The following TMEM131L variants were observed in gnomAD, a reference collection of about 807,000 sequenced individuals.
TMEM131L encodes the protein transmembrane protein 131-like.
In TMEM131L, 54 loss-of-function variants were observed where a neutral mutation model predicts 192.2. The ratio of observed to expected loss-of-function variants is 0.28; its 90% confidence interval spans 0.23 to 0.35. The LOEUF (loss-of-function observed/expected upper bound fraction) is 0.35, where lower values mean the gene tolerates loss of function less well. TMEM131L is among the 10% of genes least tolerant of loss of function. The pLI, the probability that TMEM131L is intolerant of heterozygous loss-of-function variation, is 1.00. For missense variants in TMEM131L, 1,888 were observed against 1,972.9 expected (o/e 0.96, Z 0.82); for synonymous variants, 701 against 704.9 (o/e 0.99, Z 0.09).
At chr4:153,524,343 G>A (rs919555591) in intron 3 of TMEM131L, among the ~76,000 whole-genome samples, 1 of 152,166 alleles carries the variant, frequency 6.6e-6, no homozygotes, top group Non-Finnish European at 1.5e-5. Flanking sequence ...GGCCATAAGC[G>A]AGGGCTACTC....
intron 3 of TMEM131L, among the ~76,000 whole-genome samples, chr4:153,542,489 A>G (rs535053297): frequency 1.3e-5 from 2 of 152,296 alleles, no homozygotes; most frequent in South Asian, 4.1e-4. Context: ...CCATTCAGCC[A>G]CCCCACAGCC....
rs181124529 is a variant in TMEM131L at position 153,602,702 on chromosome 4, T to C, written c.2614T>C (p.Trp872Arg). The change falls in exon 23 of 35, where the codon TGG becomes CGG. Residue 872 changes from tryptophan to arginine, a missense_variant. Coordinates refer to ENST00000409959, the MANE Select transcript of TMEM131L (RefSeq NM_001131007.2). The part of the protein sequence containing the change: ...VPGPSWEESF[W>R]RLTVFFVSLS... Reference sequence around the variant, plus strand: ...AGGACCCAGCTGGGAGGAGTCATTTTGGAGGCTCACGGTCTTCTTTGTCAG... The same window carrying C: ...AGGACCCAGCTGGGAGGAGTCATTTCGGAGGCTCACGGTCTTCTTTGTCAG... The C allele has an allele frequency of 1.1e-5, 18 of 1,613,986 alleles. No individual in the cohort carries two copies. In the Admixed American group the frequency reaches 2.8e-4, roughly 25 times the overall value.
intron 3 of TMEM131L, among the ~76,000 whole-genome samples, chr4:153,521,692 C>T (rs1342472419): frequency 1.3e-5 from 2 of 152,094 alleles, no homozygotes; most frequent in African/African-American, 2.4e-5. Flanking sequence ...ATTCCTCCCT[C>T]CCGCTCAAGC....
chr4:153,471,185 A>C (rs1421366293), intron 2 of TMEM131L, among the ~76,000 whole-genome samples: 2 of 152,028 alleles, frequency 1.3e-5, no homozygotes, highest in African/African-American at 2.4e-5. Flanking sequence ...ACTGGGTTTC[A>C]CTATGTTGGT....
At chr4:153,475,608 A>G (rs748325767) in intron 3 of TMEM131L, among the ~76,000 whole-genome samples, 21 of 152,154 alleles carry the variant, frequency 1.4e-4, no homozygotes, top group Admixed American at 1.2e-3. Flanking sequence ...GGTTTGATCA[A>G]TTGTATGCAG....
At chr4:153,517,221 T>G (rs895786231) in intron 3 of TMEM131L, among the ~76,000 whole-genome samples, 1 of 152,236 alleles carries the variant, frequency 6.6e-6, no homozygotes, top group Non-Finnish European at 1.5e-5. Context: ...GGTTGAAGTT[T>G]CCTTTGTTTC....
intron 2 of TMEM131L, among the ~76,000 whole-genome samples, chr4:153,473,373 G>A (rs957427912): frequency 2.6e-5 from 4 of 152,210 alleles, no homozygotes; most frequent in African/African-American, 9.7e-5. Flanking sequence ...TAATACAGCC[G>A]GGGCTACTGA....
intron 4 of TMEM131L, among the ~76,000 whole-genome samples, chr4:153,552,921 T>A (rs549966577): frequency 6.7e-6 from 1 of 149,476 alleles, no homozygotes; most frequent in South Asian, 2.1e-4. Context: ...TGTATCTCTT[T>A]TTTCTTGTGT....
intron 6 of TMEM131L, among the ~76,000 whole-genome samples, 171 bp downstream of exon 6, chr4:153,557,253 A>G (rs1213410822): frequency 6.6e-6 from 1 of 152,206 alleles, no homozygotes; most frequent in African/African-American, 2.4e-5. Context: ...TCTGCCTGAC[A>G]TGCCACAGTT....
At chr4:153,581,019 C>T (rs1318788569) in intron 8 of TMEM131L, 116 bp downstream of exon 8, 29 of 679,826 alleles carry the variant, frequency 4.3e-5, no homozygotes, top group Middle Eastern at 4.1e-4. Flanking sequence ...TTTGGGAGGC[C>T]GAGGCGAGTG....
chr4:153,563,138 C>G (rs185216339), intron 7 of TMEM131L, among the ~76,000 whole-genome samples: 2 of 152,148 alleles, frequency 1.3e-5, no homozygotes, highest in African/African-American at 4.8e-5. Flanking sequence ...CATAAATAGT[C>G]TGGAAGGTGA....
At chr4:153,564,287 CAAAAAAAAAAAAAAAAAA>C (rs1178320668) in intron 7 of TMEM131L, among the ~76,000 whole-genome samples, 1 of 17,652 alleles carries the variant, frequency 5.7e-5, no homozygotes. Context: ...AACTCCGTCT[CAAAAAAAAAAAAAAAAAA>C]AAAAAAAAAG....
intron 19 of TMEM131L, among the ~76,000 whole-genome samples, chr4:153,595,958 T>G (rs530382210): frequency 6.6e-6 from 1 of 152,330 alleles, no homozygotes; most frequent in African/African-American, 2.4e-5. Context: ...TGTTGTACAT[T>G]CAAAGCATCT....
chr4:153,549,485 T>G (rs978830846), intron 3 of TMEM131L, among the ~76,000 whole-genome samples: 1 of 152,236 alleles, frequency 6.6e-6, no homozygotes, highest in Non-Finnish European at 1.5e-5. Flanking sequence ...TTTTACATGT[T>G]TTTAAAAATA....
chr4:153,621,731 G>A lies in TMEM131L; in HGVS notation c.3741G>A (p.Arg1247=). 2 of 1,614,164 alleles carry A rather than the reference G, an allele frequency of 1.2e-6. No homozygotes were observed. The highest frequency in any genetic ancestry group is 1.7e-6 in the Non-Finnish European group (2 of 1,180,026). The change falls in exon 28 of 35, where the codon AGG becomes AGA. Residue 1247 remains arginine (R), a synonymous_variant. Coordinates refer to ENST00000409959, the MANE Select transcript of TMEM131L (RefSeq NM_001131007.2). ...DLKLVCSDFE[R]SELSSDINVR... ...AGCTTGTGTGCAGTGACTTTGAGAG[G>A]TCTGAGCTGAGCAGTGACATCAATG...
intron 31 of TMEM131L, chr4:153,632,272 C>A: frequency 6.1e-6 from 1 of 163,882 alleles, no homozygotes; most frequent in Middle Eastern, 2.8e-3. Context: ...AAGATGCCAC[C>A]ACTGCACTCC....
At chr4:153,472,652 ATGT>A (rs1731240983) in intron 2 of TMEM131L, among the ~76,000 whole-genome samples, 1 of 152,184 alleles carries the variant, frequency 6.6e-6, no homozygotes, top group Non-Finnish European at 1.5e-5. Context: ...AAGGGCATAC[ATGT>A]TGTGTGGTGG....
chr4:153,516,176 A>T (rs1257861910), intron 3 of TMEM131L, among the ~76,000 whole-genome samples: 1 of 152,134 alleles, frequency 6.6e-6, no homozygotes, highest in South Asian at 2.1e-4. Flanking sequence ...TAATCTTCCC[A>T]TGTCTATATC....
intron 30 of TMEM131L, among the ~76,000 whole-genome samples, chr4:153,626,947 A>G (rs1561257755): frequency 6.6e-6 from 1 of 152,218 alleles, no homozygotes; most frequent in Non-Finnish European, 1.5e-5. Context: ...GCAGCACTGG[A>G]CAAAATAAAC....
Sources: allele counts gnomAD v4.1 joint callset (sites outside exome capture counted in the v4.1 genomes callset), GRCh38; gene constraint gnomAD v4.1.1; transcripts MANE v1.5; gene names NCBI Gene and HGNC (gene_info 2026-07-23, HGNC 2026-07-21).